The following ENTREP2 variants were observed in gnomAD, a reference collection of about 807,000 sequenced individuals.
ENTREP2 encodes protein ENTREP2.
the ENTREP2 span, among the ~76,000 whole-genome samples, chr15:29,270,649 T>A: frequency 3.1e-5 from 4 of 129,354 alleles, no homozygotes. Context: ...ATATTAGCTT[T>A]GAGGAAAAAA....
chr15:29,527,806 T>TCCA, the ENTREP2 span, among the ~76,000 whole-genome samples: 5 of 152,050 alleles, frequency 3.3e-5, no homozygotes, highest in Admixed American at 6.6e-5. Flanking sequence ...CACCCCAGGG[T>TCCA]CCATGAATTC....
the ENTREP2 span, among the ~76,000 whole-genome samples, chr15:29,515,622 C>T: frequency 2.0e-5 from 3 of 152,226 alleles, no homozygotes; most frequent in Non-Finnish European, 4.4e-5. Flanking sequence ...CAGAAAGGAA[C>T]AAGACCTTGA....
chr15:29,286,928 G>T, the ENTREP2 span, among the ~76,000 whole-genome samples: 2 of 152,018 alleles, frequency 1.3e-5, no homozygotes, highest in African/African-American at 4.8e-5. Flanking sequence ...TTTTTGTTTA[G>T]AAGTTCCAGA....
chr15:29,375,254 A>G, the ENTREP2 span: 2 of 152,184 alleles, frequency 1.3e-5, no homozygotes, highest in African/African-American at 4.8e-5. Flanking sequence ...TCCAATCTGG[A>G]TGGTGGGAAA....
chr15:29,308,000 G>A, the ENTREP2 span, among the ~76,000 whole-genome samples: 39 of 152,274 alleles, frequency 2.6e-4, no homozygotes, highest in African/African-American at 9.1e-4. Flanking sequence ...ATGTTGGGTT[G>A]TAATGTCAAC....
the ENTREP2 span, among the ~76,000 whole-genome samples, chr15:29,618,190 G>A: frequency 1.3e-5 from 2 of 152,204 alleles, no homozygotes; most frequent in African/African-American, 2.4e-5. Flanking sequence ...TTGGGAGGCC[G>A]AGTCGGGCAG....
At chr15:29,258,192 G>T in the ENTREP2 span, among the ~76,000 whole-genome samples, 1 of 128,770 alleles carries the variant, frequency 7.8e-6, no homozygotes, top group South Asian at 2.5e-4. Flanking sequence ...TAGCCTGGGT[G>T]ACAGAGCAAG....
the ENTREP2 span, chr15:29,234,247 C>G: frequency 6.2e-7 from 1 of 1,612,542 alleles, no homozygotes; most frequent in Non-Finnish European, 8.5e-7. Flanking sequence ...CTTCTCTTCT[C>G]TCTTCCGCAG....
At chr15:29,540,772 C>A in the ENTREP2 span, among the ~76,000 whole-genome samples, 1,742 of 152,298 alleles carry the variant, frequency 0.011, 32 homozygotes, top group African/African-American at 0.04. Flanking sequence ...GGGATCTTCC[C>A]TAAACAGTGT....
the ENTREP2 span, among the ~76,000 whole-genome samples, chr15:29,580,692 A>C: frequency 6.6e-6 from 1 of 152,364 alleles, no homozygotes; most frequent in Admixed American, 6.5e-5. Context: ...GATATTCAGC[A>C]AAGGTGGCTT....
the ENTREP2 span, among the ~76,000 whole-genome samples, chr15:29,419,198 CA>C: frequency 6.6e-6 from 1 of 151,794 alleles, no homozygotes; most frequent in Non-Finnish European, 1.5e-5. Context: ...TGGCTGACTT[CA>C]AAACAATTAT....
chr15:29,525,305 T>C, the ENTREP2 span, among the ~76,000 whole-genome samples: 2 of 152,248 alleles, frequency 1.3e-5, no homozygotes, highest in Non-Finnish European at 2.9e-5. Flanking sequence ...TACAGGAATG[T>C]TCACAGCAGC....
the ENTREP2 span, among the ~76,000 whole-genome samples, chr15:29,210,528 T>A: frequency 6.6e-6 from 1 of 152,222 alleles, no homozygotes; most frequent in Non-Finnish European, 1.5e-5. Flanking sequence ...CGATTCCTAT[T>A]GTGAACTGTG....
At chr15:29,150,009 C>T in the ENTREP2 span, among the ~76,000 whole-genome samples, 3 of 152,224 alleles carry the variant, frequency 2.0e-5, no homozygotes, top group Admixed American at 2.0e-4. Flanking sequence ...GTATTTTCTG[C>T]TGGTAAAGAG....
At chr15:29,543,166 CAT>C in the ENTREP2 span, among the ~76,000 whole-genome samples, 1 of 152,110 alleles carries the variant, frequency 6.6e-6, no homozygotes, top group Non-Finnish European at 1.5e-5. Flanking sequence ...ATGTTAGTCA[CAT>C]GTGATTTACA....
At chr15:29,273,294 G>A in the ENTREP2 span, among the ~76,000 whole-genome samples, 1 of 151,020 alleles carries the variant, frequency 6.6e-6, no homozygotes, top group African/African-American at 2.4e-5. Context: ...CGCCTCCTGG[G>A]TTCAAGAGAT....
At chr15:29,269,571 C>A in the ENTREP2 span, 3 of 1,533,524 alleles carry the variant, frequency 2.0e-6, no homozygotes, top group South Asian at 3.7e-5. Flanking sequence ...TCGGGGCCTC[C>A]TCGGCAAAGC....
the ENTREP2 span, among the ~76,000 whole-genome samples, chr15:29,132,392 T>C: frequency 3.3e-5 from 5 of 152,260 alleles, no homozygotes; most frequent in African/African-American, 1.2e-4. Context: ...TCAAAGACAG[T>C]GGGCCCGAGG....
the ENTREP2 span, among the ~76,000 whole-genome samples, chr15:29,580,220 C>T: frequency 6.6e-6 from 1 of 152,092 alleles, no homozygotes; most frequent in Non-Finnish European, 1.5e-5. Flanking sequence ...ATCACCTTTG[C>T]AAATTCTATC....
Sources: allele counts gnomAD v4.1 joint callset (sites outside exome capture counted in the v4.1 genomes callset), GRCh38; gene constraint gnomAD v4.1.1; transcripts MANE v1.5; gene names NCBI Gene and HGNC (gene_info 2026-07-23, HGNC 2026-07-21).